SINHCAF: variants seen among roughly 807,000 people sequenced by gnomAD.
SINHCAF encodes SIN3-HDAC complex-associated factor.
SINHCAF carries 3 observed loss-of-function variants against 25.8 expected under a neutral mutation model. The ratio of observed to expected loss-of-function variants is 0.12; its 90% CI spans 0.05 to 0.30. SINHCAF has a LOEUF of 0.30. Ranked by LOEUF, SINHCAF falls within the 10% of genes least tolerant of loss-of-function variation. The probability of loss-of-function intolerance (pLI) is 1.00; values close to 1 mark genes in which losing one functional copy is unlikely to be tolerated. For missense variants in SINHCAF, 121 were observed against 262.3 expected (o/e 0.46, Z 3.72); for synonymous variants, 70 against 85.5 (o/e 0.82, Z 1.00).
At chr12:31,317,763 G>A (rs1939547423) in intron 1 of SINHCAF, among the ~76,000 whole-genome samples, 1 of 152,106 alleles carries the variant, frequency 6.6e-6, no homozygotes, top group Admixed American at 6.5e-5. Context: ...TACACTCCAT[G>A]GGAGAGACTA....
At chr12:31,299,320 ATT>A (rs1555113697) in intron 1 of SINHCAF, among the ~76,000 whole-genome samples, 2 of 133,842 alleles carry the variant, frequency 1.5e-5, no homozygotes, top group Non-Finnish European at 1.5e-5. Flanking sequence ...AAAGAAAAAA[ATT>A]TTTTTTTTTT....
At chr12:31,296,421 C>A (rs1938551762) in intron 2 of SINHCAF, among the ~76,000 whole-genome samples, 1 of 152,104 alleles carries the variant, frequency 6.6e-6, no homozygotes, top group Non-Finnish European at 1.5e-5. Flanking sequence ...CCGCCTTGGC[C>A]TCCCAAAGTG....
At chr12:31,286,460 G>A (rs895143809) in intron 5 of SINHCAF, among the ~76,000 whole-genome samples, 2 of 151,848 alleles carry the variant, frequency 1.3e-5, no homozygotes, top group East Asian at 1.9e-4. Context: ...TCAGGAGTTC[G>A]AGACCAGCCT....
At chr12:31,305,068 G>A (rs1028446388) in intron 1 of SINHCAF, 10 of 152,332 alleles carry the variant, frequency 6.6e-5, no homozygotes, top group African/African-American at 2.4e-4. Context: ...AAGCTGTTTG[G>A]TGAATCAGAG....
intron 1 of SINHCAF, chr12:31,303,255 A>G (rs1938879822): frequency 1.0e-6 from 1 of 981,752 alleles, no homozygotes; most frequent in Non-Finnish European, 1.2e-6. Flanking sequence ...TTTGATCAAA[A>G]TTTCTCTTTA....
chr12:31,312,161 C>T (rs1371468607), intron 1 of SINHCAF: 3 of 366,494 alleles, frequency 8.2e-6, no homozygotes, highest in Non-Finnish European at 1.0e-5. Flanking sequence ...TGGAACTATA[C>T]AGAATGTACT....
chr12:31,322,147 G>T (rs764277531), intron 1 of SINHCAF, among the ~76,000 whole-genome samples: 5 of 152,184 alleles, frequency 3.3e-5, no homozygotes, highest in African/African-American at 1.2e-4. Context: ...GCAATACAAA[G>T]AGAAGGCAGT....
At chr12:31,314,667 C>G (rs1592987618) in intron 1 of SINHCAF, among the ~76,000 whole-genome samples, 1 of 152,040 alleles carries the variant, frequency 6.6e-6, no homozygotes, top group South Asian at 2.1e-4. Context: ...TGTTTATCAG[C>G]ATTCTATAAG....
chr12:31,306,440 C>A (rs1939028519), intron 1 of SINHCAF, among the ~76,000 whole-genome samples: 1 of 152,086 alleles, frequency 6.6e-6, no homozygotes, highest in African/African-American at 2.4e-5. Flanking sequence ...GTATCTGATA[C>A]CCCACTAGGA....
At position 31,282,861 on chromosome 12, in the gene SINHCAF, A is replaced by G. The variant is rs755889281; in HGVS notation, c.517T>C (p.Cys173Arg). The change falls in exon 6 of 6, where the codon TGT (cysteine) becomes CGT (arginine). Residue 173 changes from cysteine to arginine, a missense_variant. Physicochemically the swap from Cys to Arg is radical, Grantham distance 180. Coordinates refer to ENST00000337682, the MANE Select transcript of SINHCAF (RefSeq NM_001135812.2). ...CGGCCTTTATAGATGATCCCACAAC[A>G]TATCTTCTGTCTAAAAGAAAAAATG... ...DLTYWKRQKI[C>R]CGIIYKGRFG... 1.3e-6 allele frequency: 2 copies of G among 1,595,962 alleles called. No individual in the cohort carries two copies. Among genetic ancestry groups the G allele is most frequent in the Non-Finnish European group, 1.7e-6 (2 of 1,174,760 alleles).
intron 4 of SINHCAF, among the ~76,000 whole-genome samples, chr12:31,289,073 AAAAC>A (rs1277600596): frequency 6.6e-6 from 1 of 152,312 alleles, no homozygotes; most frequent in African/African-American, 2.4e-5. Flanking sequence ...GGGGAGAGAG[AAAAC>A]AAACAGTGAA....
In SINHCAF at chr12:31,281,864, T is replaced by G. The variant is rs1327618233; in HGVS notation, c.*848A>C. The G allele has an allele frequency of 6.6e-6, 1 of 152,250 alleles. No homozygotes were observed. The highest frequency in any genetic ancestry group is 1.5e-5 in the Non-Finnish European group (1 of 68,046). The allele number at this position is 152,250 out of a possible 1,614,324, so 9.4% of individuals were successfully genotyped here. On this transcript the variant is annotated 3_prime_UTR_variant, in exon 6 of 6. Transcript: ENST00000337682. ...GCAACATATATAGTCAAGTTACCTCTCTGTATATTTAGAAATTACTTTCTC... is the reference window on the plus strand; with the variant it reads ...GCAACATATATAGTCAAGTTACCTCGCTGTATATTTAGAAATTACTTTCTC...
chr12:31,297,194 G>T (rs1374274950), intron 2 of SINHCAF: 1 of 259,448 alleles, frequency 3.9e-6, no homozygotes, highest in African/African-American at 2.3e-5. Flanking sequence ...TGCCAACCAT[G>T]CATGCCTTTT....
intron 2 of SINHCAF, chr12:31,296,877 A>T (rs1938572479): frequency 6.5e-6 from 2 of 305,610 alleles, no homozygotes; most frequent in African/African-American, 4.5e-5. Context: ...CAAACAAACA[A>T]ACGATTATAT....
intron 5 of SINHCAF, among the ~76,000 whole-genome samples, chr12:31,284,144 A>G (rs576105790): frequency 1.1e-4 from 16 of 152,340 alleles, no homozygotes; most frequent in African/African-American, 3.4e-4. Flanking sequence ...CTACATGGTT[A>G]TAACTATTTA....
At chr12:31,287,218 C>T (rs903507522) in intron 5 of SINHCAF, among the ~76,000 whole-genome samples, 9 of 152,116 alleles carry the variant, frequency 5.9e-5, no homozygotes, top group Non-Finnish European at 8.8e-5. Flanking sequence ...CTATAATATC[C>T]TATTATTTTT....
chr12:31,291,786 AAAG>A (rs753009213), intron 4 of SINHCAF, among the ~76,000 whole-genome samples: 32 of 101,436 alleles, frequency 3.2e-4, no homozygotes, highest in African/African-American at 3.6e-4. Flanking sequence ...AAAAAAAAAA[AAAG>A]AAAGAAAGAA....
chr12:31,291,075 GA>G (rs1461293313), intron 4 of SINHCAF, among the ~76,000 whole-genome samples: 1 of 152,168 alleles, frequency 6.6e-6, no homozygotes, highest in East Asian at 1.9e-4. Flanking sequence ...ACCAAGGAGT[GA>G]TTAGATGGCA....
At chr12:31,304,434 A>C (rs1938943034) in intron 1 of SINHCAF, 1 of 152,188 alleles carries the variant, frequency 6.6e-6, no homozygotes, top group African/African-American at 2.4e-5. Context: ...GTGGGAGGCC[A>C]GGAATGTGCA....
Sources: gnomAD v4.1 joint callset for allele counts (sites outside exome capture counted in the v4.1 genomes callset) on GRCh38, gnomAD v4.1.1 for gene constraint, MANE v1.5 for transcripts, NCBI Gene and HGNC (gene_info 2026-07-23, HGNC 2026-07-21) for gene names.